ADAM2: variants seen among roughly 807,000 people sequenced by gnomAD.
ADAM2 encodes ADAM metallopeptidase domain 2, also known as disintegrin and metalloproteinase domain-containing protein 2.
A neutral mutation model predicts 99.3 loss-of-function variants in ADAM2; 101 were observed. The ratio of observed to expected loss-of-function variants is 1.02; its 90% confidence interval spans 0.87 to 1.20. The LOEUF (loss-of-function observed/expected upper bound fraction) is 1.20. Among genes scored for constraint, ADAM2 ranks in the 50% most tolerant of loss-of-function variants. The pLI is 0.00. For missense variants in ADAM2, 948 were observed against 878.7 expected, an observed-to-expected ratio of 1.08 and a Z score of -1.00; for synonymous variants, 323 against 287.6, an observed-to-expected ratio of 1.12 and a Z score of -1.25.
In ADAM2 at chr8:39,788,641, G is replaced by A. The variant is rs776517899; in HGVS notation, c.642+28C>T. Reference sequence around the variant, plus strand: ...AAATTGTTTTAGTAACACAAGAAGTGCAAAAGTACTAAGAAGCAAAGACTT... The same window carrying A: ...AAATTGTTTTAGTAACACAAGAAGTACAAAAGTACTAAGAAGCAAAGACTT... On this transcript the variant is annotated intron_variant, in intron 8 of 20. Transcript: ENST00000265708. 5 of 1,502,520 alleles carry A rather than the reference G, an allele frequency of 3.3e-6. No homozygotes were observed. The East Asian group carries it at 7.2e-5, about 22-fold the overall frequency. 93.1% of individuals were successfully genotyped at this position (1,502,520 alleles called of 1,614,324 possible).
chr8:39,763,070 G>A (rs1802433149), intron 14 of ADAM2, among the ~76,000 whole-genome samples: 1 of 152,186 alleles, frequency 6.6e-6, no homozygotes, highest in South Asian at 2.1e-4. Flanking sequence ...TCACATCTCC[G>A]TTGGAGCTCT....
intron 7 of ADAM2, among the ~76,000 whole-genome samples, chr8:39,806,255 C>A (rs905716183): frequency 2.7e-5 from 4 of 150,546 alleles, no homozygotes; most frequent in Non-Finnish European, 5.9e-5. Flanking sequence ...AAAATGAAAA[C>A]GGGAATTGAA....
At chr8:39,834,738 A>AAAAAC (rs1182287383) in intron 2 of ADAM2, among the ~76,000 whole-genome samples, 1 of 150,196 alleles carries the variant, frequency 6.7e-6, no homozygotes, top group African/African-American at 2.5e-5. Flanking sequence ...CCATCAAAAA[A>AAAAAC]AAAAAAAAAA....
chr8:39,797,749 T>C (rs76300227), intron 7 of ADAM2, among the ~76,000 whole-genome samples: 29,567 of 152,082 alleles, frequency 0.19, 3,386 homozygotes, highest in African/African-American at 0.3. Context: ...TTTGAAGAGG[T>C]CCTTCACATC....
At chr8:39,785,413 TA>T (rs1364572178) in intron 10 of ADAM2, among the ~76,000 whole-genome samples, 1 of 152,192 alleles carries the variant, frequency 6.6e-6, no homozygotes, top group Non-Finnish European at 1.5e-5. Context: ...TATACACTGT[TA>T]GGGGGACTAG....
At chr8:39,823,247 G>A (rs1805270655) in intron 4 of ADAM2, among the ~76,000 whole-genome samples, 1 of 152,064 alleles carries the variant, frequency 6.6e-6, no homozygotes. Flanking sequence ...GGTTTAGCTG[G>A]CTGATTTTTT....
At chr8:39,761,494 G>A (rs1244305411) in intron 14 of ADAM2, among the ~76,000 whole-genome samples, 1 of 152,170 alleles carries the variant, frequency 6.6e-6, no homozygotes, top group Admixed American at 6.5e-5. Flanking sequence ...ACTATTCAAA[G>A]ACATATCCTA....
chr8:39,772,582 T>A (rs1370216914), intron 11 of ADAM2, among the ~76,000 whole-genome samples: 17 of 152,174 alleles, frequency 1.1e-4, no homozygotes, highest in African/African-American at 4.1e-4. Context: ...AAACTTTTCT[T>A]TGATTGTAGC....
At chr8:39,825,385 T>C (rs1805357690) in intron 3 of ADAM2, among the ~76,000 whole-genome samples, 1 of 152,130 alleles carries the variant, frequency 6.6e-6, no homozygotes, top group African/African-American at 2.4e-5. Flanking sequence ...TTATTTATTA[T>C]ATAATTATTC....
At chr8:39,798,231 G>T (rs1804053104) in intron 7 of ADAM2, among the ~76,000 whole-genome samples, 1 of 152,194 alleles carries the variant, frequency 6.6e-6, no homozygotes, top group East Asian at 1.9e-4. Flanking sequence ...CTAGTTTATT[G>T]AGGGTTTTTA....
chr8:39,828,717 A>G (rs1805507314), intron 3 of ADAM2, among the ~76,000 whole-genome samples: 1 of 151,862 alleles, frequency 6.6e-6, no homozygotes, highest in Non-Finnish European at 1.5e-5. Context: ...TTAAACAAAG[A>G]GAAGAGAACA....
intron 18 of ADAM2, among the ~76,000 whole-genome samples, chr8:39,747,984 G>A (rs1434719344): frequency 8.6e-5 from 13 of 152,034 alleles, no homozygotes; most frequent in Non-Finnish European, 1.5e-5. Flanking sequence ...GGAGCTAAAT[G>A]TTTTTTATTA....
chr8:39,818,023 A>G (rs1805024604), intron 6 of ADAM2: 1 of 152,046 alleles, frequency 6.6e-6, no homozygotes, highest in Non-Finnish European at 1.5e-5. Flanking sequence ...AATTAAATCA[A>G]TCCTCCACAA....
chr8:39,816,392 A>G (rs1328686649), intron 6 of ADAM2, among the ~76,000 whole-genome samples: 1 of 152,226 alleles, frequency 6.6e-6, no homozygotes, highest in Non-Finnish European at 1.5e-5. Flanking sequence ...CATTGGACAA[A>G]TAATCTGGCA....
intron 7 of ADAM2, among the ~76,000 whole-genome samples, chr8:39,791,422 CAGTT>C (rs770857668): frequency 6.6e-6 from 1 of 152,000 alleles, no homozygotes; most frequent in Non-Finnish European, 1.5e-5. Flanking sequence ...TATTGAAAAT[CAGTT>C]AGATCTTTGA....
chr8:39,809,348 A>T (rs762629911), intron 7 of ADAM2, 62 bp downstream of exon 7: 2 of 730,070 alleles, frequency 2.7e-6, no homozygotes, highest in Non-Finnish European at 4.6e-6. Context: ...TATATTCCAA[A>T]TTATTATTAC....
intron 6 of ADAM2, among the ~76,000 whole-genome samples, chr8:39,814,859 A>G (rs549488974): frequency 2.4e-4 from 36 of 150,916 alleles, no homozygotes; most frequent in African/African-American, 8.5e-4. Context: ...TAATATATAT[A>G]TTATATGTGA....
chr8:39,834,151 G>A (rs989446105), intron 2 of ADAM2, 152 bp from the exon 3 acceptor site: 4 of 503,050 alleles, frequency 8.0e-6, no homozygotes, highest in South Asian at 3.6e-5. Context: ...TATTTTAATG[G>A]CATTTGACAT....
At chr8:39,801,562 C>A (rs887611798) in intron 7 of ADAM2, among the ~76,000 whole-genome samples, 4 of 152,150 alleles carry the variant, frequency 2.6e-5, no homozygotes, top group Non-Finnish European at 4.4e-5. Flanking sequence ...GTGTGTTTTA[C>A]TAGGGGGAAA....
Sources: allele counts gnomAD v4.1 joint callset (sites outside exome capture counted in the v4.1 genomes callset), GRCh38; gene constraint gnomAD v4.1.1; transcripts MANE v1.5; gene names NCBI Gene and HGNC (gene_info 2026-07-23, HGNC 2026-07-21).